The following RNF19A variants were observed in gnomAD, a reference collection of about 807,000 sequenced individuals.
RNF19A encodes ring finger protein 19A, RBR E3 ubiquitin protein ligase.
A neutral mutation model predicts 75.7 loss-of-function variants in RNF19A; 32 were observed. The observed-to-expected ratio is 0.42, with a 90% CI of 0.32 to 0.57. The LOEUF is 0.57. Among genes scored for constraint, RNF19A ranks in the 20% least tolerant of loss-of-function variants. The pLI, the probability that RNF19A is intolerant of heterozygous loss-of-function variation, is 0.10. For synonymous variants in RNF19A, 335 were observed against 345.2 expected (o/e 0.97, Z 0.33); for missense variants, 782 against 1,036.3 (o/e 0.75, Z 3.37).
At chr8:100,310,175 C>G, upstream of RNF19A, 1 of 985,478 alleles carries the variant, frequency 1.0e-6, no homozygotes, top group Non-Finnish European at 1.2e-6. Flanking sequence ...CCGCCCCGCC[C>G]CAGCGCGCCG....
chr8:100,313,896 G>T (rs1232315610), upstream of RNF19A, among the ~76,000 whole-genome samples: 1 of 87,512 alleles, frequency 1.1e-5, no homozygotes, highest in East Asian at 3.7e-4. Flanking sequence ...AAGAGAAAGA[G>T]AACTACTTTT....
chr8:100,334,650 T>C (rs1418353976), intron 1 of RNF19A, among the ~76,000 whole-genome samples: 1 of 152,234 alleles, frequency 6.6e-6, no homozygotes, highest in Admixed American at 6.5e-5. Context: ...TTGGTATGTT[T>C]TCTAAAGCTC....
chr8:100,300,678 T>A (rs1821782334), intron 1 of RNF19A: 1 of 151,616 alleles, frequency 6.6e-6, no homozygotes, highest in African/African-American at 2.4e-5. Context: ...AGAAAAAAAT[T>A]AAAAAATAAA....
At chr8:100,274,208 CTG>C (rs1377318396) in intron 3 of RNF19A, among the ~76,000 whole-genome samples, 2 of 152,292 alleles carry the variant, frequency 1.3e-5, no homozygotes, top group East Asian at 3.9e-4. Flanking sequence ...CTCTGTATGA[CTG>C]TGTGTTCTGT....
chr8:100,278,669 TAC>T (rs1820636568), intron 2 of RNF19A, among the ~76,000 whole-genome samples: 1 of 152,162 alleles, frequency 6.6e-6, no homozygotes, highest in African/African-American at 2.4e-5. Flanking sequence ...GAAATTAGAT[TAC>T]ATATAATTCT....
At chr8:100,311,730 A>G (rs1822299098), upstream of RNF19A, among the ~76,000 whole-genome samples, 1 of 150,222 alleles carries the variant, frequency 6.7e-6, no homozygotes, top group African/African-American at 2.5e-5. Flanking sequence ...AAAAAAAAAA[A>G]AAAAAAAAAG....
chr8:100,309,044 T>C (rs568157468), intron 1 of RNF19A, among the ~76,000 whole-genome samples: 1 of 152,294 alleles, frequency 6.6e-6, no homozygotes, highest in South Asian at 2.1e-4. Context: ...AACCCTAAAC[T>C]TCTTTTTCTT....
At chr8:100,281,078 A>T (rs1226746452) in intron 2 of RNF19A, among the ~76,000 whole-genome samples, 1 of 152,112 alleles carries the variant, frequency 6.6e-6, no homozygotes, top group East Asian at 1.9e-4. Flanking sequence ...GGTTAGCTCC[A>T]TTTCCTTCCA....
chr8:100,296,973 G>A (rs1407231849), intron 1 of RNF19A, among the ~76,000 whole-genome samples: 2 of 152,120 alleles, frequency 1.3e-5, no homozygotes, highest in South Asian at 2.1e-4. Context: ...CCCATCACAT[G>A]TATTGAAAAC....
At chr8:100,285,616 T>C (rs1470722121) in intron 2 of RNF19A, among the ~76,000 whole-genome samples, 2 of 152,110 alleles carry the variant, frequency 1.3e-5, no homozygotes, top group Non-Finnish European at 2.9e-5. Flanking sequence ...TAAGTCTCCT[T>C]TTCCTTTATC....
At chr8:100,312,863 A>C (rs557685718), upstream of RNF19A, among the ~76,000 whole-genome samples, 12 of 152,352 alleles carry the variant, frequency 7.9e-5, no homozygotes, top group East Asian at 2.3e-3. Context: ...CAGAGGTTGC[A>C]GCGAGCTGAG....
At position 100,302,088 on chromosome 8, in the gene RNF19A, G is replaced by A. The variant is rs1005215401; in HGVS notation, c.-94+7779C>T. On this transcript the variant is annotated intron_variant, in intron 1 of 9. Transcript: ENST00000341084. Reference sequence around the variant, plus strand: ...CTGAGATACATGAGAATGCCAGGTTGTGTGGGGTTAAGGCCACTGTAAGTA... The same window carrying A: ...CTGAGATACATGAGAATGCCAGGTTATGTGGGGTTAAGGCCACTGTAAGTA... 1.6e-4 allele frequency among the ~76,000 whole-genome samples: 25 copies of A among 152,246 alleles called. 1 individual carries two copies. Among genetic ancestry groups the A allele is most frequent in the African/African-American group, 5.1e-4 (21 of 41,458 alleles).
intron 1 of RNF19A, among the ~76,000 whole-genome samples, chr8:100,289,888 C>T (rs142276122): frequency 3.3e-5 from 5 of 152,188 alleles, no homozygotes; most frequent in Non-Finnish European, 5.9e-5. Context: ...TTGGAAACAA[C>T]CCATAATTTT....
intron 1 of RNF19A, among the ~76,000 whole-genome samples, chr8:100,318,701 C>A (rs899298680): frequency 2.6e-5 from 4 of 152,190 alleles, no homozygotes; most frequent in South Asian, 2.1e-4. Flanking sequence ...AATTTTCAAG[C>A]TGGAACACTC....
chr8:100,259,390 AC>A lies in RNF19A; in HGVS notation c.1827-145del, dbSNP rs1233976583. ...ACGCAGAACACGTTCTACTTAAAAA[AC>A]ATACTTGATATAACAGAACTCTTTA... On this transcript the variant is annotated intron_variant, in intron 9 of 9. Transcript: ENST00000341084. This position sits in a 1 kb window ranked among gnomAD's most constrained non-coding sequence, Gnocchi z 4.5. 1.4e-5 allele frequency: 9 copies of A among 642,468 alleles called. No individual in the cohort carries two copies. The highest frequency in any genetic ancestry group is 2.1e-5 in the Non-Finnish European group (8 of 374,470). The allele number at this position is 642,468 out of a possible 1,614,324, so 39.8% of individuals were successfully genotyped here.
chr8:100,303,511 T>C lies in RNF19A; in HGVS notation c.-94+6356A>G, dbSNP rs557628092. 1.2e-4 allele frequency: 18 copies of C among 152,318 alleles called. 1 individual carries two copies. In the South Asian group the frequency reaches 3.7e-3, roughly 32 times the overall value. The allele number at this position is 152,318 out of a possible 1,614,324, so 9.4% of individuals were successfully genotyped here. A position where few individuals can be genotyped will look rare whatever the true frequency, so the allele number is the denominator to read the frequency against. On this transcript the variant is annotated intron_variant, in intron 1 of 9. Coordinates refer to ENST00000341084, the MANE Select transcript of RNF19A (RefSeq NM_183419.4). Reference sequence around the variant, plus strand: ...TTCTGGGGATTAGGACATGAACATATCTTTTGTGGGGTTACCATGCAACAC... The same window carrying C: ...TTCTGGGGATTAGGACATGAACATACCTTTTGTGGGGTTACCATGCAACAC...
chr8:100,300,037 C>T (rs1220964738), intron 1 of RNF19A, among the ~76,000 whole-genome samples: 1 of 152,052 alleles, frequency 6.6e-6, no homozygotes, highest in Non-Finnish European at 1.5e-5. Context: ...TGGTAGAGAT[C>T]CTAGAACTTA....
chr8:100,307,741 A>G (rs1180382812), intron 1 of RNF19A, among the ~76,000 whole-genome samples: 1 of 152,186 alleles, frequency 6.6e-6, no homozygotes, highest in East Asian at 1.9e-4. Flanking sequence ...CCTCAACTGC[A>G]AACATACTGC....
Position 100,261,268 on chromosome 8 carries a change from A to G in RNF19A, c.1682+274T>C, listed in dbSNP as rs185635355. Among the ~76,000 whole-genome samples the G allele has an allele frequency of 3.3e-5, 5 of 151,626 alleles. No homozygotes were observed. Among genetic ancestry groups the G allele is most frequent in the Non-Finnish European group, 5.9e-5 (4 of 67,850 alleles). On this transcript the variant is annotated intron_variant, in intron 8 of 9. Transcript: ENST00000341084. The surrounding 1 kb of genome is among the most constrained non-coding windows in gnomAD (Gnocchi z 4.4). ...TGCCACCAAATCCGGCTAATTTTTT[A>G]TATTTTTTTAGTAGAGATGGGGTTT...
Sources: allele counts gnomAD v4.1 joint callset (sites outside exome capture counted in the v4.1 genomes callset), GRCh38; gene constraint gnomAD v4.1.1; non-coding constraint Gnocchi (gnomAD v3.1); transcripts MANE v1.5; gene names NCBI Gene and HGNC (gene_info 2026-07-23, HGNC 2026-07-21).